Variants in GPR153 observed in about 807,000 individuals in gnomAD.
The protein encoded by GPR153 is probable G protein-coupled receptor 153.
In GPR153, 27 loss-of-function variants were observed where a neutral mutation model predicts 34.1. The observed-to-expected ratio is 0.79, with a 90% CI of 0.58 to 1.09. The LOEUF (loss-of-function observed/expected upper bound fraction) is 1.09. Among genes scored for constraint, GPR153 ranks in the 50% least tolerant of loss-of-function variants. The probability of loss-of-function intolerance (pLI) is 0.00; values close to 1 mark genes in which losing one functional copy is unlikely to be tolerated. For synonymous variants in GPR153, 408 were observed against 405.4 expected (o/e 1.01, Z -0.08); for missense variants, 848 against 860.2 (o/e 0.99, Z 0.18).
chr1:6,254,680 A>T lies in GPR153; in HGVS notation c.226T>A (p.Phe76Ile). The T allele has an allele frequency of 6.2e-7, 1 of 1,613,610 alleles. No homozygotes were observed. Among genetic ancestry groups the T allele is most frequent in the Non-Finnish European group, 8.5e-7 (1 of 1,179,824 alleles). ...TTGCAGAGACCCTCATTCCACTCGA[A>T]GTCGGGGCGCTGCCGCCGCAGCTGC... ...VVQLRRQRPD[F>I]EWNEGLCKVF... Residue 76 changes from phenylalanine to isoleucine, a missense_variant, in exon 2 of 6, where the codon TTC becomes ATC. Phe to Ile is a conservative substitution (Grantham distance 21). Coordinates refer to ENST00000377893, the MANE Select transcript of GPR153 (RefSeq NM_207370.4).
rs375076370 is a variant in GPR153 at position 6,249,064 on chromosome 1, C to T, written c.*274G>A. Reference sequence around the variant, plus strand: ...GGACGTGTGCACATGTCACTCACTACCCAAGCCCAAGCTTGGGATGTCACT... The same window carrying T: ...GGACGTGTGCACATGTCACTCACTATCCAAGCCCAAGCTTGGGATGTCACT... On this transcript the variant is annotated 3_prime_UTR_variant, in exon 6 of 6. Transcript: ENST00000377893. The surrounding 1 kb of genome is among the most constrained non-coding windows in gnomAD (Gnocchi z 4.3). 47 of 326,576 alleles carry T rather than the reference C, an allele frequency of 1.4e-4. No individual in the cohort carries two copies. Among genetic ancestry groups the T allele is most frequent in the African/African-American group, 9.6e-4 (45 of 46,830 alleles). 20.2% of individuals were successfully genotyped at this position (326,576 alleles called of 1,614,324 possible). A position where few individuals can be genotyped will look rare whatever the true frequency, so the allele number is the denominator to read the frequency against.
At chr1:6,254,193 GGGCCTCCCCA>G in intron 2 of GPR153, 46 bp from the exon 3 acceptor site, 5 of 1,558,430 alleles carry the variant, frequency 3.2e-6, no homozygotes, top group Non-Finnish European at 4.4e-6. Flanking sequence ...GTCACCCACA[GGGCCTCCCCA>G]GGCCTCTGGG....
At position 6,253,966 on chromosome 1, in the gene GPR153, C is replaced by T. The variant is rs148756557; in HGVS notation, c.538G>A (p.Val180Met). ...ACGCCCATGGCCACGCTGCCGCCCA[C>T]CAGCAGCAGGAAGCAGACGCCAAAG... ...LGFGVCFLLL[V>M]GGSVAMGVIC... Residue 180 changes from valine to methionine, a missense_variant, in exon 3 of 6, where the codon GTG (valine) becomes ATG (methionine). Val to Met is a conservative substitution (Grantham distance 21). Transcript: ENST00000377893. 7 of 1,612,894 alleles carry T rather than the reference C, an allele frequency of 4.3e-6. No individual in the cohort carries two copies. The South Asian group carries it at 6.6e-5, about 15-fold the overall frequency.
chr1:6,251,240 C>T lies in GPR153; in HGVS notation c.979+98G>A. The T allele has an allele frequency of 5.4e-6, 5 of 921,272 alleles. No individual in the cohort carries two copies. In the South Asian group the frequency reaches 8.3e-5, roughly 15 times the overall value. 57.1% of individuals were successfully genotyped at this position (921,272 alleles called of 1,614,324 possible). A position where few individuals can be genotyped will look rare whatever the true frequency, so the allele number is the denominator to read the frequency against. Reference sequence around the variant, plus strand: ...TGTCTGGTGGTTGAGAATGAAGTCACCTCCTTAGTGGCGTTGCCTGACAGC... The same window carrying T: ...TGTCTGGTGGTTGAGAATGAAGTCATCTCCTTAGTGGCGTTGCCTGACAGC... On this transcript the variant is annotated intron_variant, in intron 4 of 5. Coordinates refer to ENST00000377893, the MANE Select transcript of GPR153 (RefSeq NM_207370.4). This position sits in a 1 kb window ranked among gnomAD's most constrained non-coding sequence, Gnocchi z 4.9.
chr1:6,254,276 C>G, intron 2 of GPR153, 129 bp from the exon 3 acceptor site: 2 of 883,428 alleles, frequency 2.3e-6, no homozygotes, highest in Non-Finnish European at 3.5e-6. Flanking sequence ...AGTCATGGCA[C>G]AGCCAGTGTG....
chr1:6,250,629 A>T lies in GPR153; in HGVS notation c.980-5T>A. On this transcript the variant is annotated splice_polypyrimidine_tract_variant and splice_region_variant and intron_variant, in intron 4 of 5. Coordinates refer to ENST00000377893, the MANE Select transcript of GPR153 (RefSeq NM_207370.4). ...TGCCACCTTCCAGGCTGGTCTCTGT[A>T]GGGTGGGGGGTGGGTGGGGGGGCAG... 6.7e-6 allele frequency: 1 copy of T among 148,304 alleles called. No individual in the cohort carries two copies. Among genetic ancestry groups the T allele is most frequent in the Middle Eastern group, 2.4e-3 (1 of 414 alleles). The allele number at this position is 148,304 out of a possible 1,614,324, so 9.2% of individuals were successfully genotyped here.
chr1:6,249,380 G>C lies in GPR153; in HGVS notation c.1788C>G (p.Gly596=). 1.5e-6 allele frequency: 2 copies of C among 1,365,874 alleles called. No individual in the cohort carries two copies. Among genetic ancestry groups the C allele is most frequent in the Non-Finnish European group, 1.9e-6 (2 of 1,065,932 alleles). The allele number at this position is 1,365,874 out of a possible 1,614,324, so 84.6% of individuals were successfully genotyped here. A position where few individuals can be genotyped will look rare whatever the true frequency, so the allele number is the denominator to read the frequency against. The change falls in exon 6 of 6, where the codon GGC becomes GGG. Residue 596 remains glycine (G), a synonymous_variant. Transcript: ENST00000377893. The surrounding 1 kb of genome is among the most constrained non-coding windows in gnomAD (Gnocchi z 4.3). ...SFLSSPSESS[G]YATLHSDSLG... Reference sequence around the variant, plus strand: ...GCGAGTCCGAGTGCAGCGTGGCGTAGCCCGAGGACTCGGAGGGGGAACTCA... The same window carrying C: ...GCGAGTCCGAGTGCAGCGTGGCGTACCCCGAGGACTCGGAGGGGGAACTCA...
intron 3 of GPR153, among the ~76,000 whole-genome samples, chr1:6,253,340 G>A (rs1638488947): frequency 6.6e-6 from 1 of 152,220 alleles, no homozygotes; most frequent in South Asian, 2.1e-4. Context: ...AGGTTGCAGT[G>A]AGCTGAGATT....
At chr1:6,258,419 G>A (rs566035324) in intron 1 of GPR153, among the ~76,000 whole-genome samples, 2 of 152,152 alleles carry the variant, frequency 1.3e-5, no homozygotes, top group Non-Finnish European at 2.9e-5. Flanking sequence ...ATGAGCCACC[G>A]CGCCCAGCCT....
chr1:6,250,267 G>T (rs973536499), intron 5 of GPR153, 173 bp downstream of exon 5: 72 of 985,314 alleles, frequency 7.3e-5, no homozygotes, highest in Non-Finnish European at 8.6e-5. Context: ...GGGGGTGGCG[G>T]TTGGGGCCCA....
intron 1 of GPR153, among the ~76,000 whole-genome samples, chr1:6,257,637 G>A (rs1191784960): frequency 6.6e-6 from 1 of 152,276 alleles, no homozygotes; most frequent in Non-Finnish European, 1.5e-5. Flanking sequence ...GGCTTGGGCA[G>A]CAAGGGCCTG....
chr1:6,247,754 C>T lies in GPR153; in HGVS notation c.*1584G>A, dbSNP rs1638333151. 1 of 152,284 alleles carries T rather than the reference C, an allele frequency of 6.6e-6. No homozygotes were observed. Among genetic ancestry groups the T allele is most frequent in the Non-Finnish European group, 1.5e-5 (1 of 68,078 alleles). The allele number at this position is 152,284 out of a possible 1,614,324, so 9.4% of individuals were successfully genotyped here. On this transcript the variant is annotated 3_prime_UTR_variant, in exon 6 of 6. Transcript: ENST00000377893. ...CTCTGCCCCTACGTAACTTGTCAGT[C>T]CTTGAAGGCACAGCAGCATTGGCCA...
rs1003718672 is a variant in GPR153, at chr1:6,248,307, C to T, written c.*1031G>A. 1.3e-5 allele frequency: 2 copies of T among 152,284 alleles called. No homozygotes were observed. Among genetic ancestry groups the T allele is most frequent in the Admixed American group, 6.5e-5 (1 of 15,276 alleles). 9.4% of individuals were successfully genotyped at this position (152,284 alleles called of 1,614,324 possible). A position where few individuals can be genotyped will look rare whatever the true frequency, so the allele number is the denominator to read the frequency against. Reference sequence around the variant, plus strand: ...AACCTGGAAGCCCCTGCCAGGATCCCTTCCTGGCCAGGCCTGCACGGGTGG... The same window carrying T: ...AACCTGGAAGCCCCTGCCAGGATCCTTTCCTGGCCAGGCCTGCACGGGTGG... On this transcript the variant is annotated 3_prime_UTR_variant, in exon 6 of 6. Transcript: ENST00000377893.
At position 6,255,059 on chromosome 1, in the gene GPR153, G is replaced by A. The variant is rs1035743083; in HGVS notation, c.-109-45C>T. 13 of 561,432 alleles carry A rather than the reference G, an allele frequency of 2.3e-5. No homozygotes were observed. The East Asian group carries it at 2.4e-4, about 10-fold the overall frequency. 34.8% of individuals were successfully genotyped at this position (561,432 alleles called of 1,614,324 possible). ...GGCACTCAGTGACTTCCTCTCTGGC[G>A]ACAGCGTTGTAGCCCTTAGGTACTT... On this transcript the variant is annotated intron_variant, in intron 1 of 5. Coordinates refer to ENST00000377893, the MANE Select transcript of GPR153 (RefSeq NM_207370.4).
At chr1:6,258,292 T>A (rs1041261745) in intron 1 of GPR153, among the ~76,000 whole-genome samples, 58 of 152,268 alleles carry the variant, frequency 3.8e-4, no homozygotes, top group African/African-American at 1.4e-3. Flanking sequence ...CACGCCCAGC[T>A]ATTTTTTTGT....
Position 6,260,998 on chromosome 1 carries a change from G to T in GPR153, c.-283C>A, listed in dbSNP as rs1203874470. On this transcript the variant is annotated 5_prime_UTR_variant, in exon 1 of 6. Coordinates refer to ENST00000377893, the MANE Select transcript of GPR153 (RefSeq NM_207370.4). The stretch of plus-strand genomic sequence containing the variant: ...CGGCCACCGGCGGCCGGCGCGCTCC[G>T]CTAGGTGGGCTCGGCCCCGCCGCCC... The T allele has an allele frequency of 6.8e-6, 1 of 146,240 alleles. No individual in the cohort carries two copies. The highest frequency in any genetic ancestry group is 2.5e-5 in the African/African-American group (1 of 40,776). The allele number at this position is 146,240 out of a possible 1,614,324, so 9.1% of individuals were successfully genotyped here.
In GPR153 at chr1:6,249,984, A is replaced by G. The variant is rs910630707; in HGVS notation, c.1184T>C (p.Phe395Ser). 15 of 1,262,040 alleles carry G rather than the reference A, an allele frequency of 1.2e-5. No individual in the cohort carries two copies. In the African/African-American group the frequency reaches 2.2e-4, roughly 18 times the overall value. 78.2% of individuals were successfully genotyped at this position (1,262,040 alleles called of 1,614,324 possible). The stretch of plus-strand genomic sequence containing the variant: ...CCACACGTCCGCATCGTCGTGGGAG[A>G]AGCGCCGCGTGGGCGGGACCTGTCA... The part of the protein sequence containing the change: ...QYLQVPPTRR[F>S]SHDDADVWAA... The change falls in exon 6 of 6, where the codon TTC becomes TCC. Residue 395 changes from phenylalanine to serine, a missense_variant. Phe to Ser is a radical substitution (Grantham distance 155). Coordinates refer to ENST00000377893, the MANE Select transcript of GPR153 (RefSeq NM_207370.4). The surrounding 1 kb of genome is among the most constrained non-coding windows in gnomAD (Gnocchi z 4.3).
chr1:6,260,324 G>A (rs1395304801), intron 1 of GPR153, among the ~76,000 whole-genome samples: 2 of 148,916 alleles, frequency 1.3e-5, no homozygotes, highest in Non-Finnish European at 3.0e-5. Flanking sequence ...GACATCTCCG[G>A]CACGCCCCCC....
chr1:6,253,926 A>T lies in GPR153; in HGVS notation c.578T>A (p.Ile193Asn). 6.2e-7 allele frequency: 1 copy of T among 1,611,168 alleles called. No individual in the cohort carries two copies. The highest frequency in any genetic ancestry group is 8.5e-7 in the Non-Finnish European group (1 of 1,179,214). The change falls in exon 3 of 6, where the codon ATC becomes AAC. Residue 193 changes from isoleucine to asparagine, a missense_variant. Coordinates refer to ENST00000377893, the MANE Select transcript of GPR153 (RefSeq NM_207370.4). ...SVAMGVICTA[I>N]ALFQTLAVQV... ...CACGGCCAGCGTCTGGAAGAGGGCG[A>T]TGGCTGTGCAGATCACGCCCATGGC... is the stretch of plus-strand genomic sequence containing the variant.
Sources: gnomAD v4.1 joint callset for allele counts (sites outside exome capture counted in the v4.1 genomes callset) on GRCh38, gnomAD v4.1.1 for gene constraint, Gnocchi (gnomAD v3.1) non-coding constraint, MANE v1.5 for transcripts, NCBI Gene and HGNC (gene_info 2026-07-23, HGNC 2026-07-21) for gene names.